The following ROBO1 variants were observed in gnomAD, a reference collection of about 807,000 sequenced individuals.
ROBO1 encodes the protein roundabout homolog 1.
Under a neutral mutation model 195.9 loss-of-function variants are expected in ROBO1, and 149 were observed. The observed-to-expected ratio is 0.76, with a 90% CI of 0.67 to 0.87. The LOEUF (loss-of-function observed/expected upper bound fraction) is 0.87, where lower values mean the gene tolerates loss of function less well. Ranked by LOEUF, ROBO1 falls within the 40% of genes least tolerant of loss-of-function variation. The pLI is 0.00. For synonymous variants in ROBO1, 816 were observed against 733.2 expected (o/e 1.11, Z -1.82); for missense variants, 1,933 against 2,068.3 (o/e 0.93, Z 1.27).
intron 3 of ROBO1, among the ~76,000 whole-genome samples, chr3:78,940,313 G>T (rs1478066692): frequency 6.6e-6 from 1 of 152,206 alleles, no homozygotes; most frequent in Non-Finnish European, 1.5e-5. Flanking sequence ...GAAAGCCTGT[G>T]AAATAGTTTC....
intron 2 of ROBO1, among the ~76,000 whole-genome samples, chr3:79,477,233 T>C (rs1037777443): frequency 1.4e-4 from 22 of 152,184 alleles, no homozygotes; most frequent in Non-Finnish European, 7.3e-5. Context: ...TTTATTCAAG[T>C]ACTCAAATTC....
At chr3:79,660,127 G>A (rs1946287442) in intron 1 of ROBO1, among the ~76,000 whole-genome samples, 1 of 151,802 alleles carries the variant, frequency 6.6e-6, no homozygotes, top group Non-Finnish European at 1.5e-5. Context: ...TGACTGATTA[G>A]CCTGGGATCC....
intron 10 of ROBO1, among the ~76,000 whole-genome samples, chr3:78,681,082 G>A (rs2080892882): frequency 1.3e-5 from 2 of 150,564 alleles, no homozygotes; most frequent in Non-Finnish European, 1.5e-5. Flanking sequence ...CTATCGCAAG[G>A]ACAAAAAACC....
intron 3 of ROBO1, among the ~76,000 whole-genome samples, chr3:79,069,796 GTAGT>G (rs1446412764): frequency 1.8e-4 from 28 of 151,838 alleles, no homozygotes; most frequent in African/African-American, 5.8e-4. Context: ...GATAGCAATG[GTAGT>G]TACTTATTGA....
chr3:79,059,581 G>A (rs568659380), intron 3 of ROBO1, among the ~76,000 whole-genome samples: 2 of 152,156 alleles, frequency 1.3e-5, no homozygotes, highest in South Asian at 2.1e-4. Flanking sequence ...AACATAAATT[G>A]TGAAGATTTC....
At chr3:78,658,384 G>T (rs1038882656) in intron 17 of ROBO1, among the ~76,000 whole-genome samples, 1 of 152,170 alleles carries the variant, frequency 6.6e-6, no homozygotes, top group Non-Finnish European at 1.5e-5. Flanking sequence ...TCCACCTCCC[G>T]GGTTCCAGTG....
intron 26 of ROBO1, among the ~76,000 whole-genome samples, chr3:78,625,856 G>T (rs1488961064): frequency 6.6e-6 from 1 of 151,990 alleles, no homozygotes; most frequent in Non-Finnish European, 1.5e-5. Flanking sequence ...AAGGCAGAAG[G>T]AGTTCAACAA....
At chr3:79,726,020 A>G (rs1399622628) in intron 1 of ROBO1, among the ~76,000 whole-genome samples, 1 of 152,182 alleles carries the variant, frequency 6.6e-6, no homozygotes, top group Non-Finnish European at 1.5e-5. Flanking sequence ...ATGGAGGAAG[A>G]CTAAATTCAA....
chr3:79,252,402 C>A (rs773712605), intron 2 of ROBO1, among the ~76,000 whole-genome samples: 5 of 152,026 alleles, frequency 3.3e-5, no homozygotes, highest in Non-Finnish European at 7.4e-5. Context: ...ATTTGAAGAT[C>A]GGACTTAAGC....
At chr3:79,672,586 A>G (rs1946663036) in intron 1 of ROBO1, among the ~76,000 whole-genome samples, 1 of 151,940 alleles carries the variant, frequency 6.6e-6, no homozygotes, top group Non-Finnish European at 1.5e-5. Context: ...AGACTGCGTG[A>G]GGAATAATTT....
At chr3:79,715,010 T>G (rs1015337846) in intron 1 of ROBO1, among the ~76,000 whole-genome samples, 47 of 151,978 alleles carry the variant, frequency 3.1e-4, no homozygotes, top group South Asian at 2.1e-4. Context: ...ATAATAAAAT[T>G]TTTTAAAAAA....
At chr3:78,836,845 A>G (rs1406712503) in intron 4 of ROBO1, among the ~76,000 whole-genome samples, 1 of 152,164 alleles carries the variant, frequency 6.6e-6, no homozygotes, top group Non-Finnish European at 1.5e-5. Context: ...CTCAAATCTC[A>G]TAACTTCTAA....
At chr3:79,060,713 G>A (rs1297027572) in intron 3 of ROBO1, among the ~76,000 whole-genome samples, 2 of 152,128 alleles carry the variant, frequency 1.3e-5, no homozygotes, top group African/African-American at 4.8e-5. Context: ...ATCAACAAAT[G>A]TAATCCATCA....
intron 4 of ROBO1, among the ~76,000 whole-genome samples, chr3:78,846,385 A>C (rs1469129663): frequency 6.6e-6 from 1 of 152,142 alleles, no homozygotes; most frequent in Non-Finnish European, 1.5e-5. Flanking sequence ...ATTGCAATTA[A>C]AATGGATGCA....
chr3:78,775,232 A>G (rs888809699), intron 4 of ROBO1, among the ~76,000 whole-genome samples: 1 of 152,182 alleles, frequency 6.6e-6, no homozygotes, highest in Non-Finnish European at 1.5e-5. Context: ...ACCTAGATGA[A>G]CACAAACCTT....
At chr3:79,431,981 A>G in intron 2 of ROBO1, among the ~76,000 whole-genome samples, 1 of 152,240 alleles carries the variant, frequency 6.6e-6, no homozygotes, top group East Asian at 1.9e-4. Flanking sequence ...AGATAAAATG[A>G]CAATGTGCAA....
chr3:79,039,844 G>A (rs2078452983), intron 3 of ROBO1, among the ~76,000 whole-genome samples: 1 of 136,894 alleles, frequency 7.3e-6, no homozygotes, highest in South Asian at 2.4e-4. Flanking sequence ...AGGACAATGT[G>A]ATCTTAGGCA....
At chr3:79,398,210 C>G (rs2037223903) in intron 2 of ROBO1, among the ~76,000 whole-genome samples, 2 of 151,858 alleles carry the variant, frequency 1.3e-5, no homozygotes, top group Non-Finnish European at 2.9e-5. Flanking sequence ...TTCTTTGTTA[C>G]CCTCAAAATA....
At chr3:78,765,082 G>A (rs2083196461) in intron 4 of ROBO1, among the ~76,000 whole-genome samples, 1 of 151,950 alleles carries the variant, frequency 6.6e-6, no homozygotes, top group Non-Finnish European at 1.5e-5. Flanking sequence ...TGTTGTTGCT[G>A]AATTTTTAAA....
Sources: allele counts gnomAD v4.1 joint callset (sites outside exome capture counted in the v4.1 genomes callset), GRCh38; gene constraint gnomAD v4.1.1; transcripts MANE v1.5; gene names NCBI Gene and HGNC (gene_info 2026-07-23, HGNC 2026-07-21).